The following ACOXL variants were observed in gnomAD, a reference collection of about 807,000 sequenced individuals.
ACOXL encodes the protein acyl-CoA oxidase like.
ACOXL carries 70 observed loss-of-function variants against 71.9 expected under a neutral mutation model. The ratio of observed to expected loss-of-function variants is 0.97; its 90% CI spans 0.80 to 1.19. ACOXL has a LOEUF of 1.19. ACOXL is among the 50% of genes most tolerant of loss of function. The pLI, the probability that ACOXL is intolerant of heterozygous loss-of-function variation, is 0.00. For missense variants in ACOXL, 703 were observed against 736.3 expected (o/e 0.95, Z 0.52); for synonymous variants, 253 against 281.6 (o/e 0.90, Z 1.02).
intron 10 of ACOXL, among the ~76,000 whole-genome samples, chr2:110,899,699 C>G (rs2059150371): frequency 6.6e-6 from 1 of 152,146 alleles, no homozygotes; most frequent in African/African-American, 2.4e-5. Context: ...CCATGTCTCC[C>G]ATTTTAACTT....
At chr2:111,018,392 G>T (rs1328320744) in intron 14 of ACOXL, among the ~76,000 whole-genome samples, 6 of 152,232 alleles carry the variant, frequency 3.9e-5, no homozygotes, top group Admixed American at 1.3e-4. Flanking sequence ...TTGAGGCAAG[G>T]CATGGGGATG....
intron 14 of ACOXL, among the ~76,000 whole-genome samples, chr2:111,012,717 C>A (rs2064225854): frequency 6.6e-6 from 1 of 152,032 alleles, no homozygotes; most frequent in Admixed American, 6.6e-5. Context: ...ATAAAAGAAG[C>A]AATCACAAGG....
chr2:111,112,381 AT>A (rs1461530787), intron 17 of ACOXL, among the ~76,000 whole-genome samples: 1 of 152,212 alleles, frequency 6.6e-6, no homozygotes, highest in Non-Finnish European at 1.5e-5. Flanking sequence ...TGTTGGGTAA[AT>A]TGAGAGAAGT....
chr2:111,018,191 G>T, intron 14 of ACOXL: 1 of 152,708 alleles, frequency 6.5e-6, no homozygotes. Flanking sequence ...TGTCTGGGAG[G>T]GAAGGATGGC....
In ACOXL at chr2:111,118,507, G is replaced by A. The variant is rs569245084; in HGVS notation, c.*691G>A. On this transcript the variant is annotated 3_prime_UTR_variant, in exon 18 of 18. Coordinates refer to ENST00000439055, the MANE Select transcript of ACOXL (RefSeq NM_001142807.4). ...ACGCTGTAGTCTGTCCTTTAGAAGA[G>A]AATAGGTGAAAAGTTTAATAAAGAA... is the stretch of plus-strand genomic sequence containing the variant. Among the ~76,000 whole-genome samples, 89 of 152,342 alleles carry A rather than the reference G, an allele frequency of 5.8e-4. 2 individuals carry two copies. The South Asian group carries it at 0.015, about 26-fold the overall frequency.
At chr2:111,098,440 A>G (rs144343303) in intron 17 of ACOXL, 5 of 152,346 alleles carry the variant, frequency 3.3e-5, no homozygotes, top group African/African-American at 4.8e-5. Flanking sequence ...AAGCTTGTCC[A>G]TAATACCTGC....
At chr2:110,997,565 G>A (rs2063453595) in intron 14 of ACOXL, among the ~76,000 whole-genome samples, 1 of 152,086 alleles carries the variant, frequency 6.6e-6, no homozygotes, top group Non-Finnish European at 1.5e-5. Flanking sequence ...CCTGAGTACA[G>A]CCAATGGAAA....
chr2:110,945,325 C>T (rs1049926034), intron 12 of ACOXL, among the ~76,000 whole-genome samples: 4 of 150,238 alleles, frequency 2.7e-5, no homozygotes, highest in Non-Finnish European at 5.9e-5. Flanking sequence ...TTTTGCTGTG[C>T]AAATGCTCTT....
intron 10 of ACOXL, among the ~76,000 whole-genome samples, chr2:110,902,985 A>G (rs17545166): frequency 0.31 from 47,708 of 152,116 alleles, 7,813 homozygotes; most frequent in Middle Eastern, 0.38. Context: ...GCTTTTATCT[A>G]CAGAGGTCAG....
Position 111,109,709 on chromosome 2 carries a change from C to T in ACOXL, c.1543-7907C>T, listed in dbSNP as rs185548508. Among the ~76,000 whole-genome samples, 19 of 112,160 alleles carry T rather than the reference C, an allele frequency of 1.7e-4. No homozygotes were observed. In the Admixed American group the frequency reaches 2.1e-3, roughly 13 times the overall value. 73.6% of individuals were successfully genotyped at this position (112,160 alleles called of 152,430 possible). Reference sequence around the variant, plus strand: ...TTTTTTTTTTTTTGAGACAGAGTCTCGCTCTTTCACCCAGGCTGGAGTGCA... The same window carrying T: ...TTTTTTTTTTTTTGAGACAGAGTCTTGCTCTTTCACCCAGGCTGGAGTGCA... On this transcript the variant is annotated intron_variant, in intron 17 of 17. Transcript: ENST00000439055.
intron 16 of ACOXL, among the ~76,000 whole-genome samples, chr2:111,081,152 T>G (rs1315450835): frequency 1.3e-5 from 2 of 152,168 alleles, no homozygotes; most frequent in African/African-American, 4.8e-5. Context: ...TTCAACATAG[T>G]ATTGGGAGTT....
At position 110,818,417 on chromosome 2, in the gene ACOXL, A is replaced by ATGTG. The variant is rs1405102852; in HGVS notation, c.753+13023_753+13024insGTGT. On this transcript the variant is annotated intron_variant, in intron 9 of 17. Transcript: ENST00000439055. ...TCAAAAAAAAAAAAAAAACATATAT[A>ATGTG]TATATATGTGTGTGTGTGTGTGTGT... is the stretch of plus-strand genomic sequence containing the variant. 8.8e-4 allele frequency among the ~76,000 whole-genome samples: 122 copies of ATGTG among 139,286 alleles called. 1 individual carries two copies. Among genetic ancestry groups the ATGTG allele is most frequent in the African/African-American group, 3.3e-3 (116 of 35,250 alleles). 91.4% of individuals were successfully genotyped at this position (139,286 alleles called of 152,430 possible). A position where few individuals can be genotyped will look rare whatever the true frequency, so the allele number is the denominator to read the frequency against.
intron 10 of ACOXL, among the ~76,000 whole-genome samples, chr2:110,900,072 AACACACACACACAT>A (rs1345515017): frequency 5.0e-4 from 61 of 123,210 alleles, no homozygotes; most frequent in African/African-American, 1.9e-3. Flanking sequence ...AAAGCTTTTC[AACACACACACACAT>A]ACACACACAC....
intron 16 of ACOXL, among the ~76,000 whole-genome samples, chr2:111,059,777 AAAAG>A (rs879459795): frequency 1.3e-5 from 2 of 151,854 alleles, no homozygotes; most frequent in Non-Finnish European, 2.9e-5. Flanking sequence ...GGAAAAAAAA[AAAAG>A]AGAGAAGAAG....
chr2:110,769,630 T>A (rs1304264456), intron 2 of ACOXL, among the ~76,000 whole-genome samples: 1 of 151,936 alleles, frequency 6.6e-6, no homozygotes, highest in Non-Finnish European at 1.5e-5. Context: ...CTGGGCAACA[T>A]GGTGAAACAC....
intron 2 of ACOXL, among the ~76,000 whole-genome samples, chr2:110,778,640 C>T (rs1161342327): frequency 6.6e-6 from 1 of 152,056 alleles, no homozygotes; most frequent in Non-Finnish European, 1.5e-5. Flanking sequence ...GAAGTGTGGA[C>T]GATAACATTC....
intron 2 of ACOXL, 74 bp downstream of exon 2, chr2:110,768,538 G>GAGT (rs1681434998): frequency 2.3e-6 from 3 of 1,324,940 alleles, no homozygotes; most frequent in Admixed American, 2.0e-5. Context: ...GAGAGAGAGA[G>GAGT]TTTTTTTCTC....
intron 7 of ACOXL, among the ~76,000 whole-genome samples, chr2:110,800,396 C>A (rs955092936): frequency 6.6e-6 from 1 of 152,168 alleles, no homozygotes; most frequent in African/African-American, 2.4e-5. Flanking sequence ...AGAACAGAAG[C>A]CATTTAGATT....
At chr2:111,024,160 A>G (rs949398746) in intron 14 of ACOXL, among the ~76,000 whole-genome samples, 1 of 152,250 alleles carries the variant, frequency 6.6e-6, no homozygotes, top group Middle Eastern at 3.4e-3. Context: ...GCTCCATGAC[A>G]AAGAAGGGCC....
Sources: gnomAD v4.1 joint callset for allele counts (sites outside exome capture counted in the v4.1 genomes callset) on GRCh38, gnomAD v4.1.1 for gene constraint, MANE v1.5 for transcripts, NCBI Gene and HGNC (gene_info 2026-07-23, HGNC 2026-07-21) for gene names.